The following LAMA4 variants were observed in gnomAD, a reference collection of about 807,000 sequenced individuals.
The protein encoded by LAMA4 is laminin subunit alpha 4.
A neutral mutation model predicts 207.1 loss-of-function variants in LAMA4; 127 were observed. The ratio of observed to expected loss-of-function variants is 0.61; its 90% CI spans 0.53 to 0.71. The LOEUF (loss-of-function observed/expected upper bound fraction) is 0.71, where lower values mean the gene tolerates loss of function less well. Ranked by LOEUF, LAMA4 falls within the 30% of genes least tolerant of loss-of-function variation. The probability of loss-of-function intolerance (pLI) is 0.00; values close to 1 mark genes in which losing one functional copy is unlikely to be tolerated. For synonymous variants in LAMA4, 761 were observed against 816.0 expected (o/e 0.93, Z 1.15); for missense variants, 2,093 against 2,246.5 (o/e 0.93, Z 1.38).
intron 16 of LAMA4, among the ~76,000 whole-genome samples, chr6:112,152,014 T>C (rs1166801675): frequency 6.6e-6 from 1 of 152,138 alleles, no homozygotes; most frequent in Non-Finnish European, 1.5e-5. Flanking sequence ...TTGGTCATCA[T>C]ATATTGCACT....
At chr6:112,162,978 T>C (rs1554338822) in intron 13 of LAMA4, among the ~76,000 whole-genome samples, 2 of 145,860 alleles carry the variant, frequency 1.4e-5, no homozygotes, top group African/African-American at 5.1e-5. Context: ...TTTTTTTTTT[T>C]TTTTTTTTTT....
Position 112,155,689 on chromosome 6 carries a change from T to A in LAMA4, c.1835A>T (p.Asp612Val), listed in dbSNP as rs782157527. Reference protein sequence around the residue: ...NELSRKLHSSDMNGLVQKALD... With the variant: ...NELSRKLHSSVMNGLVQKALD... ...AGCCTTCTGTACCAGCCCGTTCATATCTGAACTGTGCAACTTCCTGTTAAT... is the reference window on the plus strand; with the variant it reads ...AGCCTTCTGTACCAGCCCGTTCATAACTGAACTGTGCAACTTCCTGTTAAT... The change falls in exon 15 of 39, where the codon GAT becomes GTT. Residue 612 changes from aspartate to valine, a missense_variant. Asp to Val is a radical substitution (Grantham distance 152). Around this residue, in one of 3 missense-constraint regions of LAMA4, gnomAD observed 1,704 missense variants for 1,788.4 expected, o/e 0.95. Coordinates refer to ENST00000230538, the MANE Select transcript of LAMA4 (RefSeq NM_001105206.3). 4 of 1,614,038 alleles carry A rather than the reference T, an allele frequency of 2.5e-6. No individual in the cohort carries two copies. The African/African-American group carries it at 5.3e-5, about 22-fold the overall frequency.
rs1562650356 is a variant in LAMA4 at position 112,139,155 on chromosome 6, C to T, written c.3247G>A (p.Ala1083Thr). The T allele has an allele frequency of 6.2e-7, 1 of 1,614,156 alleles. No individual in the cohort carries two copies. Among genetic ancestry groups the T allele is most frequent in the East Asian group, 2.2e-5 (1 of 44,880 alleles). Residue 1083 changes from alanine to threonine, a missense_variant, in exon 24 of 39, where the codon GCT (alanine) becomes ACT (threonine). Physicochemically the swap from Ala to Thr is moderately conservative, Grantham distance 58. Coordinates refer to ENST00000230538, the MANE Select transcript of LAMA4 (RefSeq NM_001105206.3). ...TRFDIEVRTP[A>T]DNGLILLMVN... is the part of the protein sequence containing the mutation. ...ATCAGGAGAATAAGGCCGTTGTCAG[C>T]TGGTGTTCGAACTTCTATGTCAAAG...
At chr6:112,132,288 T>C (rs1480085707) in intron 28 of LAMA4, among the ~76,000 whole-genome samples, 1 of 152,204 alleles carries the variant, frequency 6.6e-6, no homozygotes, top group East Asian at 1.9e-4. Context: ...TAAGATTCCA[T>C]AGCAGACCTA....
At position 112,141,494 on chromosome 6, in the gene LAMA4, C is replaced by CT; in HGVS notation, c.2676dup (p.Glu893ArgfsTer10). On this transcript the variant is annotated frameshift_variant, in exon 21 of 39. Coordinates refer to ENST00000230538, the MANE Select transcript of LAMA4 (RefSeq NM_001105206.3). LOFTEE classifies it high-confidence loss of function. ...TTTTTGATTGCAAGACCCATATACTCTTTTTTGGCCTGAAATATCAAGAAG... is the reference window on the plus strand; with the variant it reads ...TTTTTGATTGCAAGACCCATATACTCTTTTTTTGGCCTGAAATATCAAGAAG... The CT allele has an allele frequency of 6.2e-7, 1 of 1,601,690 alleles. No homozygotes were observed. The highest frequency in any genetic ancestry group is 8.6e-7 in the Non-Finnish European group (1 of 1,168,716).
intron 3 of LAMA4, among the ~76,000 whole-genome samples, chr6:112,215,163 G>C (rs1784559955): frequency 6.6e-6 from 1 of 152,186 alleles, no homozygotes; most frequent in African/African-American, 2.4e-5. Flanking sequence ...GAAAGGAGTA[G>C]ACTTTGGCAG....
chr6:112,185,157 C>A, intron 9 of LAMA4, 80 bp downstream of exon 9: 1 of 921,144 alleles, frequency 1.1e-6, no homozygotes, highest in Non-Finnish European at 1.8e-6. Flanking sequence ...AAGCCTCAGT[C>A]GTTTGTGACC....
chr6:112,175,614 G>A (rs781999988), intron 10 of LAMA4, 134 bp from the exon 11 acceptor site: 61 of 862,736 alleles, frequency 7.1e-5, no homozygotes, highest in East Asian at 2.3e-4. Flanking sequence ...CAAAAGCAGC[G>A]TGCTAGTGTT....
At chr6:112,113,436 T>TAC (rs1307840642) in intron 38 of LAMA4, among the ~76,000 whole-genome samples, 1 of 152,216 alleles carries the variant, frequency 6.6e-6, no homozygotes, top group East Asian at 1.9e-4. Flanking sequence ...ATGCATTCAA[T>TAC]ATGAGGACAT....
Position 112,186,426 on chromosome 6 carries a change from A to C in LAMA4, c.966+1024T>G, listed in dbSNP as rs9398300. On this transcript the variant is annotated intron_variant, in intron 8 of 38. Transcript: ENST00000230538. ...CTGGTATTGAATTCCATTTTCCCTC[A>C]GCTAATGATTATTATTTTAAAAATA... 9.1e-4 allele frequency among the ~76,000 whole-genome samples: 138 copies of C among 152,350 alleles called. 4 individuals are homozygous for C. The East Asian group carries it at 0.02, about 23-fold the overall frequency.
At chr6:112,126,642 C>T (rs1554327771) in intron 31 of LAMA4, among the ~76,000 whole-genome samples, 1 of 152,176 alleles carries the variant, frequency 6.6e-6, no homozygotes, top group Non-Finnish European at 1.5e-5. Context: ...ATATAATGGT[C>T]AGTGAAAAAC....
chr6:112,133,515 A>G, intron 26 of LAMA4, 28 bp from the exon 27 acceptor site: 1 of 1,613,258 alleles, frequency 6.2e-7, no homozygotes, highest in Non-Finnish European at 8.5e-7. Context: ...CCTCACTGAT[A>G]CAGCCATGAT....
At chr6:112,121,993 G>A in intron 32 of LAMA4, 21 bp downstream of exon 32, 1 of 1,596,548 alleles carries the variant, frequency 6.3e-7, no homozygotes, top group Non-Finnish European at 8.6e-7. Context: ...AGGAGTCTAG[G>A]AGTATAGTGT....
chr6:112,168,796 G>A lies in LAMA4; in HGVS notation c.1552-3520C>T, dbSNP rs553613898. Among the ~76,000 whole-genome samples, 8 of 152,248 alleles carry A rather than the reference G, an allele frequency of 5.3e-5. No individual in the cohort carries two copies. The South Asian group carries it at 1.7e-3, about 32-fold the overall frequency. On this transcript the variant is annotated intron_variant, in intron 12 of 38. Transcript: ENST00000230538. ...TGTCTGTGTGCCTGCATATTCCATA[G>A]TTTTCACTGAATTCTCAAAAGGATA...
At chr6:112,131,391 A>G (rs1554329734) in intron 28 of LAMA4, among the ~76,000 whole-genome samples, 1 of 152,040 alleles carries the variant, frequency 6.6e-6, no homozygotes, top group Non-Finnish European at 1.5e-5. Context: ...TTACTTTCCT[A>G]CTTTCAATCT....
chr6:112,146,666 A>G (rs1233052324), intron 18 of LAMA4, among the ~76,000 whole-genome samples: 5 of 152,212 alleles, frequency 3.3e-5, no homozygotes, highest in Non-Finnish European at 5.9e-5. Context: ...GCGTCTTCCT[A>G]GAGAAAAACT....
chr6:112,162,394 C>T (rs892741490), intron 13 of LAMA4, among the ~76,000 whole-genome samples: 4 of 152,036 alleles, frequency 2.6e-5, no homozygotes, highest in Non-Finnish European at 5.9e-5. Flanking sequence ...ATTGCTTGAA[C>T]CCAGGAGGCA....
chr6:112,196,913 A>G (rs1783454530), intron 5 of LAMA4, among the ~76,000 whole-genome samples: 1 of 152,196 alleles, frequency 6.6e-6, no homozygotes, highest in Admixed American at 6.5e-5. Flanking sequence ...GAGGAGGGAT[A>G]AGGGATATGA....
chr6:112,213,190 T>C (rs1184059687), intron 3 of LAMA4, among the ~76,000 whole-genome samples: 2 of 152,222 alleles, frequency 1.3e-5, no homozygotes, highest in East Asian at 1.9e-4. Context: ...GTTCTGGTCA[T>C]TGGGCTCCTG....
Sources: allele counts gnomAD v4.1 joint callset (sites outside exome capture counted in the v4.1 genomes callset), GRCh38; gene constraint gnomAD v4.1.1; regional missense constraint gnomAD v4.1.1; transcripts MANE v1.5; gene names NCBI Gene and HGNC (gene_info 2026-07-23, HGNC 2026-07-21).